CHRM3: variants seen among roughly 807,000 people sequenced by gnomAD.
CHRM3 encodes the protein muscarinic acetylcholine receptor M3.
A neutral mutation model predicts 41.8 loss-of-function variants in CHRM3; 11 were observed. That is an observed-to-expected ratio of 0.26 (90% CI 0.17 to 0.44). The LOEUF (loss-of-function observed/expected upper bound fraction) is 0.44. Ranked by LOEUF, CHRM3 falls within the 20% of genes least tolerant of loss-of-function variation. The pLI is 1.00. For missense variants in CHRM3, 571 were observed against 745.4 expected (o/e 0.77, Z 2.72); for synonymous variants, 297 against 301.4 (o/e 0.99, Z 0.15).
At chr1:239,542,247 AC>A (rs1436872016) in intron 2 of CHRM3, among the ~76,000 whole-genome samples, 2 of 152,142 alleles carry the variant, frequency 1.3e-5, no homozygotes, top group African/African-American at 2.4e-5. Context: ...GTATATTTGT[AC>A]CTGAGGAACT....
intron 5 of CHRM3, chr1:239,718,661 A>G (rs1558483459): frequency 6.6e-6 from 1 of 151,922 alleles, no homozygotes; most frequent in Non-Finnish European, 1.5e-5. Flanking sequence ...TAGCTCACAC[A>G]TAGTGACACT....
intron 2 of CHRM3, among the ~76,000 whole-genome samples, chr1:239,515,688 C>A (rs1470810934): frequency 6.6e-6 from 1 of 152,144 alleles, no homozygotes; most frequent in African/African-American, 2.4e-5. Context: ...TGTTTTTCAG[C>A]AGGCAGAAAT....
intron 1 of CHRM3, among the ~76,000 whole-genome samples, chr1:239,425,680 A>G (rs12239473): frequency 6.6e-6 from 1 of 152,184 alleles, no homozygotes; most frequent in South Asian, 2.1e-4. Flanking sequence ...ATTAAAGAAT[A>G]CACAGGCAGG....
Position 239,559,582 on chromosome 1 carries a change from C to T in CHRM3, c.-313+13833C>T, listed in dbSNP as rs915986873. Among the ~76,000 whole-genome samples, 12 of 152,114 alleles carry T rather than the reference C, an allele frequency of 7.9e-5. No homozygotes were observed. In the East Asian group the frequency reaches 2.1e-3, roughly 27 times the overall value. On this transcript the variant is annotated intron_variant, in intron 3 of 6. Transcript: ENST00000676153. ...CATAAGATTTCAGGGAAAGTTAGGACGAATTTCAAGAGAGAGCCTGATGAT... is the reference window on the plus strand; with the variant it reads ...CATAAGATTTCAGGGAAAGTTAGGATGAATTTCAAGAGAGAGCCTGATGAT...
intron 1 of CHRM3, among the ~76,000 whole-genome samples, chr1:239,404,420 AAGAAAGAAAGAAAGAAAG>A (rs1558195869): frequency 3.4e-3 from 316 of 93,446 alleles, no homozygotes; most frequent in South Asian, 6.1e-3. Context: ...AAAAGAAAGA[AAGAAAGAAAGAAAGAAAG>A]AAAGAAAGAA....
rs1169486958 is a variant in CHRM3, at chr1:239,908,553, G to A, written c.1102G>A (p.Val368Met). Residue 368 changes from valine (V) to methionine (M), a missense_variant, in exon 7 of 7, where the codon GTG (valine) becomes ATG (methionine). Val to Met is a conservative substitution (Grantham distance 21). This residue lies in a region of CHRM3 where 239 missense variants were observed against 239.6 expected (regional missense o/e 1.00). Coordinates refer to ENST00000676153, the MANE Select transcript of CHRM3 (RefSeq NM_001375978.1). The surrounding 1 kb of genome is among the most constrained non-coding windows in gnomAD (Gnocchi z 7.2). ...CGAGACGAGAGCCATCTACTCCATC[G>A]TGCTCAAGCTTCCGGGTCACAGCAC... ...GSETRAIYSI[V>M]LKLPGHSTIL... The A allele has an allele frequency of 1.9e-6, 3 of 1,588,302 alleles. No individual in the cohort carries two copies. The highest frequency in any genetic ancestry group is 2.6e-6 in the Non-Finnish European group (3 of 1,167,430).
intron 6 of CHRM3, among the ~76,000 whole-genome samples, chr1:239,868,927 C>T (rs2149310458): frequency 6.6e-6 from 1 of 152,138 alleles, no homozygotes; most frequent in East Asian, 1.9e-4. Flanking sequence ...GAAATAAATA[C>T]AGCTGTGAAA....
At chr1:239,829,431 T>G (rs1672727214) in intron 6 of CHRM3, among the ~76,000 whole-genome samples, 1 of 151,762 alleles carries the variant, frequency 6.6e-6, no homozygotes, top group South Asian at 2.1e-4. Flanking sequence ...AGAAAAGAAA[T>G]TTTAAATTTT....
At chr1:239,579,492 A>G (rs1001568542) in intron 3 of CHRM3, among the ~76,000 whole-genome samples, 1 of 152,160 alleles carries the variant, frequency 6.6e-6, no homozygotes, top group African/African-American at 2.4e-5. Flanking sequence ...TCTAAGGACT[A>G]TCACTTGTGG....
intron 5 of CHRM3, among the ~76,000 whole-genome samples, chr1:239,754,455 G>A (rs1281387612): frequency 6.6e-6 from 1 of 152,174 alleles, no homozygotes; most frequent in East Asian, 1.9e-4. Context: ...GGAGGCATTT[G>A]CAAAGTTATC....
At chr1:239,767,580 T>C (rs1438051312) in intron 5 of CHRM3, among the ~76,000 whole-genome samples, 1 of 152,232 alleles carries the variant, frequency 6.6e-6, no homozygotes, top group Non-Finnish European at 1.5e-5. Context: ...ATTCTGCTGG[T>C]CAATTAAAAT....
chr1:239,748,386 A>G lies in CHRM3; in HGVS notation c.-147+70098A>G, dbSNP rs1665546401. Among the ~76,000 whole-genome samples, 2 of 152,138 alleles carry G rather than the reference A, an allele frequency of 1.3e-5. No individual in the cohort carries two copies. Among genetic ancestry groups the G allele is most frequent in the Non-Finnish European group, 2.9e-5 (2 of 68,040 alleles). On this transcript the variant is annotated intron_variant, in intron 5 of 6. Transcript: ENST00000676153. This position sits in a 1 kb window ranked among gnomAD's most constrained non-coding sequence, Gnocchi z 4.3. ...TCTTTTTTAACTCTCAGACTGATCAATTTCCCATTACTGCCACTCCATGGT... is the reference window on the plus strand; with the variant it reads ...TCTTTTTTAACTCTCAGACTGATCAGTTTCCCATTACTGCCACTCCATGGT...
At chr1:239,825,093 C>T (rs1187342142) in intron 5 of CHRM3, among the ~76,000 whole-genome samples, 1 of 152,248 alleles carries the variant, frequency 6.6e-6, no homozygotes, top group African/African-American at 2.4e-5. Context: ...TTCTTCAGGC[C>T]TGTCCTTATG....
Position 239,912,744 on chromosome 1 carries a change from T to A in CHRM3, c.*3520T>A, listed in dbSNP as rs1680436920. The A allele has an allele frequency of 6.0e-6, 1 of 167,128 alleles. No homozygotes were observed. 10.4% of individuals were successfully genotyped at this position (167,128 alleles called of 1,614,324 possible). A position where few individuals can be genotyped will look rare whatever the true frequency, so the allele number is the denominator to read the frequency against. On this transcript the variant is annotated 3_prime_UTR_variant, in exon 7 of 7. Coordinates refer to ENST00000676153, the MANE Select transcript of CHRM3 (RefSeq NM_001375978.1). ...TCAGTCAGGGTGTCCTGTACCTATC[T>A]GAGTAGAGATGATTCAAGGATGGGG...
chr1:239,759,307 A>G (rs942469918), intron 5 of CHRM3, among the ~76,000 whole-genome samples: 11 of 146,916 alleles, frequency 7.5e-5, no homozygotes, highest in African/African-American at 2.6e-4. Flanking sequence ...TAGGAAACAC[A>G]TTATTTTGAA....
At chr1:239,437,413 C>T (rs1663356628) in intron 1 of CHRM3, among the ~76,000 whole-genome samples, 1 of 152,194 alleles carries the variant, frequency 6.6e-6, no homozygotes, top group African/African-American at 2.4e-5. Flanking sequence ...TTTCTTGATG[C>T]CACTGTTGTT....
intron 2 of CHRM3, among the ~76,000 whole-genome samples, chr1:239,536,180 G>T (rs1346948470): frequency 3.3e-5 from 5 of 152,224 alleles, no homozygotes; most frequent in Admixed American, 3.3e-4. Flanking sequence ...GTTTGCTTAG[G>T]TTTGATTGCT....
At chr1:239,764,380 G>A (rs1667038308) in intron 5 of CHRM3, among the ~76,000 whole-genome samples, 1 of 152,184 alleles carries the variant, frequency 6.6e-6, no homozygotes, top group African/African-American at 2.4e-5. Flanking sequence ...AGAAGGAAAA[G>A]AGGAAAGAAT....
chr1:239,608,446 A>C (rs1394240666), intron 3 of CHRM3, among the ~76,000 whole-genome samples: 1 of 152,242 alleles, frequency 6.6e-6, no homozygotes, highest in Non-Finnish European at 1.5e-5. Flanking sequence ...CTGTTCTGAG[A>C]AAATTCTTGT....
Sources: gnomAD v4.1 joint callset for allele counts (sites outside exome capture counted in the v4.1 genomes callset) on GRCh38, gnomAD v4.1.1 for gene constraint, gnomAD v4.1.1 regional missense constraint, Gnocchi (gnomAD v3.1) non-coding constraint, MANE v1.5 for transcripts, NCBI Gene and HGNC (gene_info 2026-07-23, HGNC 2026-07-21) for gene names.